ANKRD26: variants seen among roughly 807,000 people sequenced by gnomAD.
ANKRD26 encodes ankyrin repeat domain 26.
A neutral mutation model predicts 208.7 loss-of-function variants in ANKRD26; 141 were observed. That is an observed-to-expected ratio of 0.68 (90% CI 0.59 to 0.78). ANKRD26 has a LOEUF of 0.78. Ranked by LOEUF, ANKRD26 falls within the 30% of genes least tolerant of loss-of-function variation. The pLI is 0.00. For synonymous variants in ANKRD26, 636 were observed against 660.4 expected, an observed-to-expected ratio of 0.96 and a Z score of 0.57; for missense variants, 1,889 against 1,938.7, an observed-to-expected ratio of 0.97 and a Z score of 0.48.
chr10:27,100,143 C>T lies in ANKRD26; in HGVS notation c.184G>A (p.Val62Met), dbSNP rs745371851. 2 of 1,614,066 alleles carry T rather than the reference C, an allele frequency of 1.2e-6. No individual in the cohort carries two copies. The highest frequency in any genetic ancestry group is 1.1e-5 in the South Asian group (1 of 91,096). ...KAASAGNVAKVQQILLLRKNG... is the reference protein window; with the variant it reads ...KAASAGNVAKMQQILLLRKNG... ...TTCCTGAGCAAAAGGATCTGCTGCA[C>T]TTTCGCCACATTACCCGCGCTGGCA... Residue 62 changes from valine (V) to methionine (M), a missense_variant, in exon 1 of 34, where the codon GTG becomes ATG. Around this residue, in one of 3 missense-constraint regions of ANKRD26, gnomAD observed 1,272 missense variants for 1,273.8 expected, o/e 1.00. Coordinates refer to ENST00000376087, the MANE Select transcript of ANKRD26 (RefSeq NM_014915.3).
chr10:27,068,991 C>T (rs991981661), intron 9 of ANKRD26, among the ~76,000 whole-genome samples: 8 of 151,868 alleles, frequency 5.3e-5, no homozygotes, highest in South Asian at 4.2e-4. Flanking sequence ...GTCAGGAGTT[C>T]GAGACCAGCC....
chr10:26,987,708 T>C (rs558121045), downstream of ANKRD26, among the ~76,000 whole-genome samples: 26 of 152,236 alleles, frequency 1.7e-4, no homozygotes, highest in Admixed American at 3.3e-4. Flanking sequence ...TGAGGTAATA[T>C]TTGGAGATGA....
intron 1 of ANKRD26, among the ~76,000 whole-genome samples, chr10:27,098,110 A>G (rs2056525825): frequency 6.6e-6 from 1 of 152,182 alleles, no homozygotes; most frequent in African/African-American, 2.4e-5. Flanking sequence ...GATACCCTTT[A>G]CTTTTTCTTT....
At chr10:27,096,278 T>C (rs11015528) in intron 1 of ANKRD26, among the ~76,000 whole-genome samples, 2,740 of 152,258 alleles carry the variant, frequency 0.018, 72 homozygotes, top group African/African-American at 0.062. Context: ...CCCAAATTCA[T>C]AGCAGATTAG....
At chr10:27,093,889 T>G in intron 1 of ANKRD26, 90 bp from the exon 2 acceptor site, 1 of 1,070,886 alleles carries the variant, frequency 9.3e-7, no homozygotes. Flanking sequence ...AAATAGCATG[T>G]TGATATGGTT....
intron 15 of ANKRD26, among the ~76,000 whole-genome samples, chr10:27,056,836 A>C (rs2054856190): frequency 6.6e-6 from 1 of 152,090 alleles, no homozygotes; most frequent in Non-Finnish European, 1.5e-5. Flanking sequence ...AAGCAAAGGT[A>C]CTCTAGGACT....
intron 18 of ANKRD26, among the ~76,000 whole-genome samples, chr10:27,044,415 A>G (rs1490623748): frequency 6.6e-6 from 1 of 152,172 alleles, no homozygotes. Flanking sequence ...AGAAAAATAT[A>G]CTAACAATAT....
In ANKRD26 at chr10:27,033,265, G is replaced by T. The variant is rs750824911; in HGVS notation, c.3767C>A (p.Thr1256Lys). 6.2e-7 allele frequency: 1 copy of T among 1,612,152 alleles called. No homozygotes were observed. Among genetic ancestry groups the T allele is most frequent in the Non-Finnish European group, 8.5e-7 (1 of 1,178,772 alleles). The change falls in exon 25 of 34, where the codon ACA (threonine) becomes AAA (lysine). Residue 1256 changes from threonine to lysine, a missense_variant. By Grantham distance (78) the Thr-to-Lys change is moderately conservative. Around this residue, in one of 3 missense-constraint regions of ANKRD26, gnomAD observed 613 missense variants for 648.2 expected, o/e 0.95. Transcript: ENST00000376087. The part of the protein sequence containing the change: ...SRYRINLEDE[T>K]QDLKKKLGQI... ...ACCTAATTTCTTCTTTAAATCCTGT[G>T]TCTCATCTTCTAAATTAATACGATA...
In ANKRD26 at chr10:27,006,853, T is replaced by G. The variant is rs373090119; in HGVS notation, c.4999+64A>C. 73 of 1,331,444 alleles carry G rather than the reference T, an allele frequency of 5.5e-5. No individual in the cohort carries two copies. The African/African-American group carries it at 9.8e-4, about 18-fold the overall frequency. The allele number at this position is 1,331,444 out of a possible 1,614,324, so 82.5% of individuals were successfully genotyped here. A position where few individuals can be genotyped will look rare whatever the true frequency, so the allele number is the denominator to read the frequency against. On this transcript the variant is annotated intron_variant, in intron 33 of 33. Transcript: ENST00000376087. ...AATGGAAAGGGATCCCACTCACGATTTACAATTTATTTCAGAAATCAATTA... is the reference window on the plus strand; with the variant it reads ...AATGGAAAGGGATCCCACTCACGATGTACAATTTATTTCAGAAATCAATTA...
the ANKRD26 span, among the ~76,000 whole-genome samples, chr10:26,950,207 T>C: frequency 3.3e-5 from 5 of 152,276 alleles, no homozygotes; most frequent in Admixed American, 6.5e-5. Context: ...CTTGTGATAG[T>C]GAGAGAGTTC....
At chr10:27,007,122 CTTGTT>C (rs1345563289) in intron 32 of ANKRD26, among the ~76,000 whole-genome samples, 160 bp from the exon 33 acceptor site, 2 of 152,130 alleles carry the variant, frequency 1.3e-5, no homozygotes, top group Non-Finnish European at 1.5e-5. Context: ...AAAATTCCTA[CTTGTT>C]TTAAGTTTAG....
intron 9 of ANKRD26, among the ~76,000 whole-genome samples, chr10:27,067,669 C>G (rs968203905): frequency 6.6e-6 from 1 of 152,158 alleles, no homozygotes; most frequent in Non-Finnish European, 1.5e-5. Flanking sequence ...AACTCACTTG[C>G]TATCTCAAGG....
intron 4 of ANKRD26, among the ~76,000 whole-genome samples, chr10:27,087,534 C>T (rs2056163456): frequency 6.6e-6 from 1 of 152,092 alleles, no homozygotes; most frequent in South Asian, 2.1e-4. Context: ...TTGTGGTTTC[C>T]AATCCCAGTG....
intron 29 of ANKRD26, among the ~76,000 whole-genome samples, chr10:27,018,649 T>G (rs2053385956): frequency 6.6e-6 from 1 of 152,190 alleles, no homozygotes; most frequent in South Asian, 2.1e-4. Context: ...TTATTGGTGT[T>G]AAGGCCACAG....
At chr10:27,089,366 C>T (rs992724679) in intron 4 of ANKRD26, among the ~76,000 whole-genome samples, 1 of 152,208 alleles carries the variant, frequency 6.6e-6, no homozygotes, top group African/African-American at 2.4e-5. Flanking sequence ...CATTTCAAGA[C>T]TCAAATAACC....
At chr10:27,052,992 A>G (rs182897262) in intron 16 of ANKRD26, among the ~76,000 whole-genome samples, 3 of 152,286 alleles carry the variant, frequency 2.0e-5, no homozygotes, top group Admixed American at 6.5e-5. Context: ...GCTTAATAAT[A>G]TGATTCAATA....
chr10:26,994,036 G>T (rs1396529882), intron 5 of ANKRD26, among the ~76,000 whole-genome samples: 1 of 152,160 alleles, frequency 6.6e-6, no homozygotes, highest in East Asian at 1.9e-4. Flanking sequence ...CACAGCAATT[G>T]CCAGTATCTC....
intron 4 of ANKRD26, among the ~76,000 whole-genome samples, chr10:26,995,552 T>C (rs112474261): frequency 3.9e-5 from 6 of 152,278 alleles, no homozygotes; most frequent in African/African-American, 7.2e-5. Flanking sequence ...CAGAAGTTGG[T>C]GGGCAAGGGA....
At position 27,004,987 on chromosome 10, in the gene ANKRD26, A is replaced by C; in HGVS notation, c.*603T>G. 1.0e-6 allele frequency: 1 copy of C among 961,888 alleles called. No homozygotes were observed. Among genetic ancestry groups the C allele is most frequent in the Non-Finnish European group, 1.2e-6 (1 of 808,412 alleles). 59.6% of individuals were successfully genotyped at this position (961,888 alleles called of 1,614,324 possible). ...GACATAATGTCAGCAATTTACTCTC[A>C]AATTGTTCGGAGGAGAAAGTCTTTG... On this transcript the variant is annotated 3_prime_UTR_variant, in exon 34 of 34. Coordinates refer to ENST00000376087, the MANE Select transcript of ANKRD26 (RefSeq NM_014915.3).
Sources: gnomAD v4.1 joint callset for allele counts (sites outside exome capture counted in the v4.1 genomes callset) on GRCh38, gnomAD v4.1.1 for gene constraint, gnomAD v4.1.1 regional missense constraint, MANE v1.5 for transcripts, NCBI Gene and HGNC (gene_info 2026-07-23, HGNC 2026-07-21) for gene names.